SGSM2: variants seen among roughly 807,000 people sequenced by gnomAD.
SGSM2 encodes the protein small G protein signaling modulator 2, also known as RUN and TBC1 domain containing 1.
A neutral mutation model predicts 126.6 loss-of-function variants in SGSM2; 89 were observed. The ratio of observed to expected loss-of-function variants is 0.70; its 90% CI spans 0.59 to 0.84. The LOEUF (loss-of-function observed/expected upper bound fraction) is 0.84, where lower values mean the gene tolerates loss of function less well. Ranked by LOEUF, SGSM2 falls within the 40% of genes least tolerant of loss-of-function variation. The probability of loss-of-function intolerance (pLI) is 0.00; values close to 1 mark genes in which losing one functional copy is unlikely to be tolerated. For synonymous variants in SGSM2, 614 were observed against 574.3 expected (o/e 1.07, Z -0.99); for missense variants, 1,404 against 1,416.6 (o/e 0.99, Z 0.14).
chr17:2,364,552 G>T, intron 8 of SGSM2, 44 bp from the exon 9 acceptor site: 1 of 1,599,632 alleles, frequency 6.3e-7, no homozygotes, highest in South Asian at 1.1e-5. Context: ...AAGGAAGGAT[G>T]GCAGGTCTTT....
At position 2,367,341 on chromosome 17, in the gene SGSM2, T is replaced by C; in HGVS notation, c.1359T>C (p.Asp453=). The C allele has an allele frequency of 6.2e-7, 1 of 1,614,086 alleles. No individual in the cohort carries two copies. The highest frequency in any genetic ancestry group is 8.5e-7 in the Non-Finnish European group (1 of 1,179,998). The change falls in exon 12 of 24, where the codon GAT becomes GAC. Residue 453 remains aspartate, a synonymous_variant. Transcript: ENST00000268989. This position sits in a 1 kb window ranked among gnomAD's most constrained non-coding sequence, Gnocchi z 4.0. ...TGGACGATGATGAGGAAGAGGAGGA[T>C]AAACTGCACGCGATGCTCTCAATGA... is the stretch of plus-strand genomic sequence containing the variant. The part of the protein sequence containing the change: ...ASVDDDEEEE[D]KLHAMLSMIC...
intron 2 of SGSM2, among the ~76,000 whole-genome samples, chr17:2,349,617 A>G (rs1317511311): frequency 6.6e-6 from 1 of 152,170 alleles, no homozygotes; most frequent in Non-Finnish European, 1.5e-5. Flanking sequence ...TATGATGTCT[A>G]AAATTTGCTT....
Position 2,362,713 on chromosome 17 carries a change from G to C in SGSM2, c.459-125G>C. The C allele has an allele frequency of 1.0e-6, 1 of 956,490 alleles. No homozygotes were observed. The highest frequency in any genetic ancestry group is 1.6e-6 in the Non-Finnish European group (1 of 621,388). 59.3% of individuals were successfully genotyped at this position (956,490 alleles called of 1,614,324 possible). On this transcript the variant is annotated intron_variant, in intron 4 of 23. Coordinates refer to ENST00000268989, the MANE Select transcript of SGSM2 (RefSeq NM_014853.3). The surrounding 1 kb of genome is among the most constrained non-coding windows in gnomAD (Gnocchi z 4.9). ...GCACCTCACGAAGCCCAGTCCCTAAGGACTCACTGTTTCTTGATGACTGAT... is the reference window on the plus strand; with the variant it reads ...GCACCTCACGAAGCCCAGTCCCTAACGACTCACTGTTTCTTGATGACTGAT...
chr17:2,352,382 T>C (rs892605034), intron 2 of SGSM2, among the ~76,000 whole-genome samples: 1 of 152,184 alleles, frequency 6.6e-6, no homozygotes, highest in African/African-American at 2.4e-5. Flanking sequence ...TTGGGTTCTG[T>C]GTGGCAGCGG....
chr17:2,372,834 C>T lies in SGSM2; in HGVS notation c.1789-119C>T. 7.2e-7 allele frequency: 1 copy of T among 1,385,414 alleles called. No homozygotes were observed. Among genetic ancestry groups the T allele is most frequent in the Non-Finnish European group, 9.7e-7 (1 of 1,036,154 alleles). The allele number at this position is 1,385,414 out of a possible 1,614,324, so 85.8% of individuals were successfully genotyped here. A position where few individuals can be genotyped will look rare whatever the true frequency, so the allele number is the denominator to read the frequency against. On this transcript the variant is annotated intron_variant, in intron 15 of 23. Coordinates refer to ENST00000268989, the MANE Select transcript of SGSM2 (RefSeq NM_014853.3). The surrounding 1 kb of genome is among the most constrained non-coding windows in gnomAD (Gnocchi z 6.0). ...GTGGCCACCCCAAAGCAGGCCTTGC[C>T]TGGGCTTCAGCAGTCACTACAGGCC...
At position 2,372,631 on chromosome 17, in the gene SGSM2, T is replaced by C; in HGVS notation, c.1788+143T>C. On this transcript the variant is annotated intron_variant, in intron 15 of 23. Coordinates refer to ENST00000268989, the MANE Select transcript of SGSM2 (RefSeq NM_014853.3). The surrounding 1 kb of genome is among the most constrained non-coding windows in gnomAD (Gnocchi z 6.0). Reference sequence around the variant, plus strand: ...GTGACCAGGGTCCCGGCAGAATCTCTTGCAGCTGGGCCTGGGGCTGACACG... The same window carrying C: ...GTGACCAGGGTCCCGGCAGAATCTCCTGCAGCTGGGCCTGGGGCTGACACG... 8.3e-7 allele frequency: 1 copy of C among 1,204,180 alleles called. No individual in the cohort carries two copies. The highest frequency in any genetic ancestry group is 1.2e-6 in the Non-Finnish European group (1 of 856,136). The allele number at this position is 1,204,180 out of a possible 1,614,324, so 74.6% of individuals were successfully genotyped here.
At position 2,372,663 on chromosome 17, in the gene SGSM2, G is replaced by A; in HGVS notation, c.1788+175G>A. 1.0e-6 allele frequency: 1 copy of A among 963,110 alleles called. No individual in the cohort carries two copies. The highest frequency in any genetic ancestry group is 2.8e-5 in the Admixed American group (1 of 35,432). The allele number at this position is 963,110 out of a possible 1,614,324, so 59.7% of individuals were successfully genotyped here. A position where few individuals can be genotyped will look rare whatever the true frequency, so the allele number is the denominator to read the frequency against. ...TGGGCCTGGGGCTGACACGGGAAGG[G>A]GGCTGGACTGGGAAGCCGTCCTGCC... On this transcript the variant is annotated intron_variant, in intron 15 of 23. Coordinates refer to ENST00000268989, the MANE Select transcript of SGSM2 (RefSeq NM_014853.3). This position sits in a 1 kb window ranked among gnomAD's most constrained non-coding sequence, Gnocchi z 6.0.
chr17:2,364,575 A>G (rs1431742149), intron 8 of SGSM2, 21 bp from the exon 9 acceptor site: 1 of 1,613,754 alleles, frequency 6.2e-7, no homozygotes, highest in East Asian at 2.2e-5. Flanking sequence ...ACACAGTGAC[A>G]GCAGTCTGGT....
rs544353869 is a variant in SGSM2, at chr17:2,376,720, CCCTG to C, written c.2610-9_2610-6del. 1.4e-3 allele frequency: 2,285 copies of C among 1,613,796 alleles called. 4 individuals carry two copies. The highest frequency in any genetic ancestry group is 1.8e-3 in the Non-Finnish European group (2,175 of 1,179,938). ...TGGGGCACAGCCACAGTGACTCTCC[CCCTG>C]CCTTTCAGCTACGTGTGGGAGCACC... On this transcript the variant is annotated splice_polypyrimidine_tract_variant and intron_variant, in intron 19 of 23. Transcript: ENST00000268989.
Position 2,380,086 on chromosome 17 carries a change from C to T in SGSM2, c.*566C>T. ...CCCGGGCCGCCTTCAGGCCGCTCCC[C>T]CGAGATTCTGGGGCAGTCGGAAGAT... On this transcript the variant is annotated 3_prime_UTR_variant, in exon 24 of 24. Coordinates refer to ENST00000268989, the MANE Select transcript of SGSM2 (RefSeq NM_014853.3). The T allele has an allele frequency of 7.1e-7, 1 of 1,404,342 alleles. No individual in the cohort carries two copies. The highest frequency in any genetic ancestry group is 9.2e-7 in the Non-Finnish European group (1 of 1,083,178). 87.0% of individuals were successfully genotyped at this position (1,404,342 alleles called of 1,614,324 possible).
chr17:2,373,793 C>T (rs1025739740), intron 17 of SGSM2: 1 of 426,834 alleles, frequency 2.3e-6, no homozygotes, highest in Non-Finnish European at 4.2e-6. Context: ...AAGCCCTCCT[C>T]CTTGTAGAAA....
rs779265028 is a variant in SGSM2 at position 2,376,242 on chromosome 17, C to G, written c.2590C>G (p.Leu864Val). The change falls in exon 19 of 24, where the codon CTC becomes GTC. Residue 864 changes from leucine (L) to valine (V), a missense_variant. Physicochemically the swap from Leu to Val is conservative, Grantham distance 32. Coordinates refer to ENST00000268989, the MANE Select transcript of SGSM2 (RefSeq NM_014853.3). ...WYFTPPNLER[L>V]RDVMCSYVWE... Reference sequence around the variant, plus strand: ...CTTCACGCCCCCCAACCTCGAGAGGCTCAGAGACGTCATGTGCAGGTGCCT... The same window carrying G: ...CTTCACGCCCCCCAACCTCGAGAGGGTCAGAGACGTCATGTGCAGGTGCCT... 4 of 1,613,868 alleles carry G rather than the reference C, an allele frequency of 2.5e-6. No individual in the cohort carries two copies. The East Asian group carries it at 6.7e-5, about 27-fold the overall frequency.
intron 22 of SGSM2, 152 bp from the exon 23 acceptor site, chr17:2,378,884 C>A: frequency 1.1e-6 from 1 of 891,352 alleles, no homozygotes; most frequent in Non-Finnish European, 1.7e-6. Context: ...ATTTAGAGGC[C>A]TGTGAGCAGC....
chr17:2,341,757 A>G (rs1345609665), intron 1 of SGSM2, among the ~76,000 whole-genome samples: 2 of 152,258 alleles, frequency 1.3e-5, no homozygotes, highest in Non-Finnish European at 2.9e-5. Context: ...CCAGAACCTC[A>G]TACATGGGAG....
chr17:2,363,316 G>A lies in SGSM2; in HGVS notation c.673-149G>A. 2.1e-6 allele frequency: 3 copies of A among 1,397,712 alleles called. No homozygotes were observed. Among genetic ancestry groups the A allele is most frequent in the Non-Finnish European group, 2.9e-6 (3 of 1,036,556 alleles). The allele number at this position is 1,397,712 out of a possible 1,614,324, so 86.6% of individuals were successfully genotyped here. A position where few individuals can be genotyped will look rare whatever the true frequency, so the allele number is the denominator to read the frequency against. On this transcript the variant is annotated intron_variant, in intron 6 of 23. Transcript: ENST00000268989. This position sits in a 1 kb window ranked among gnomAD's most constrained non-coding sequence, Gnocchi z 4.2. The stretch of plus-strand genomic sequence containing the variant: ...ATGCCGGGAGCCCATGCTGGTCCGT[G>A]GCTGGAGAGCAGAGGGTGGCTGGGA...
chr17:2,341,566 C>T (rs2064370152), intron 1 of SGSM2, among the ~76,000 whole-genome samples: 1 of 152,210 alleles, frequency 6.6e-6, no homozygotes, highest in Non-Finnish European at 1.5e-5. Context: ...GTCTTGGGAA[C>T]CTGGACAGCA....
Position 2,372,539 on chromosome 17 carries a change from G to C in SGSM2, c.1788+51G>C. On this transcript the variant is annotated intron_variant, in intron 15 of 23. Transcript: ENST00000268989. The surrounding 1 kb of genome is among the most constrained non-coding windows in gnomAD (Gnocchi z 6.0). ...ACAGGTCGAGGGGCTGGGGCGGGCA[G>C]GAGTGAGGGCTTCAGGGTAAAATGT... The C allele has an allele frequency of 6.3e-7, 1 of 1,580,520 alleles. No individual in the cohort carries two copies. Among genetic ancestry groups the C allele is most frequent in the Non-Finnish European group, 8.6e-7 (1 of 1,168,168 alleles).
intron 8 of SGSM2, 82 bp from the exon 9 acceptor site, chr17:2,364,514 G>GC (rs1430019432): frequency 6.8e-7 from 1 of 1,470,620 alleles, no homozygotes; most frequent in Non-Finnish European, 9.5e-7. Flanking sequence ...GAGTTTCGTG[G>GC]GGTGGTAGGA....
chr17:2,378,752 A>G (rs1186620187), intron 22 of SGSM2, among the ~76,000 whole-genome samples: 5 of 152,162 alleles, frequency 3.3e-5, no homozygotes, highest in Admixed American at 2.6e-4. Flanking sequence ...TGCAGAAATT[A>G]CCCAAGAAAA....
Sources: gnomAD v4.1 joint callset for allele counts (sites outside exome capture counted in the v4.1 genomes callset) on GRCh38, gnomAD v4.1.1 for gene constraint, Gnocchi (gnomAD v3.1) non-coding constraint, MANE v1.5 for transcripts, NCBI Gene and HGNC (gene_info 2026-07-23, HGNC 2026-07-21) for gene names.